Variants in DRC7 observed in about 807,000 individuals in gnomAD.
DRC7 encodes dynein regulatory complex subunit 7, also known as coiled-coil domain containing 135.
DRC7 carries 80 observed loss-of-function variants against 104.4 expected under a neutral mutation model. The observed-to-expected ratio is 0.77, with a 90% CI of 0.64 to 0.92. DRC7 has a LOEUF of 0.92. DRC7 is among the 40% of genes least tolerant of loss of function. The pLI is 0.00. For missense variants in DRC7, 1,034 were observed against 1,141.1 expected (o/e 0.91, Z 1.35); for synonymous variants, 405 against 447.3 (o/e 0.91, Z 1.19).
At position 57,724,661 on chromosome 16, in the gene DRC7, G is replaced by A; in HGVS notation, c.1584G>A (p.Glu528=). 6.2e-7 allele frequency: 1 copy of A among 1,613,962 alleles called. No individual in the cohort carries two copies. The highest frequency in any genetic ancestry group is 1.1e-5 in the South Asian group (1 of 91,080). The change falls in exon 13 of 19, where the codon GAG becomes GAA. Residue 528 remains glutamate, a synonymous_variant. Transcript: ENST00000360716. ...SMQPEMDRVI[E]FYETARVDGL... ...AACCTGAGATGGACCGTGTCATTGA[G>A]TTTTATGAAACGGCCCGTGTGGATG...
chr16:57,722,104 G>T lies in DRC7; in HGVS notation c.1279+365G>T, dbSNP rs150710906. Among the ~76,000 whole-genome samples the T allele has an allele frequency of 4.9e-3, 750 of 152,348 alleles. 7 individuals are homozygous for T. The highest frequency in any genetic ancestry group is 0.017 in the African/African-American group (721 of 41,582). On this transcript the variant is annotated intron_variant, in intron 10 of 18. Transcript: ENST00000360716. ...GATGGTGCGGGGGGTCTCAGGACCG[G>T]AGAGGGGCAGGTAGAGAAGGCAGGA... is the stretch of plus-strand genomic sequence containing the variant.
At position 57,722,851 on chromosome 16, in the gene DRC7, A is replaced by G. The variant is rs781762079; in HGVS notation, c.1408+10A>G. The G allele has an allele frequency of 1.1e-5, 17 of 1,613,424 alleles. No individual in the cohort carries two copies. Among genetic ancestry groups the G allele is most frequent in the Non-Finnish European group, 1.4e-5 (17 of 1,179,988 alleles). On this transcript the variant is annotated intron_variant, in intron 11 of 18. Coordinates refer to ENST00000360716, the MANE Select transcript of DRC7 (RefSeq NM_001289162.2). The stretch of plus-strand genomic sequence containing the variant: ...TATGAGGACTTGCAGTGTAAGGGGG[A>G]TTGCTCTGGACATGGGTCCAGGCCA...
chr16:57,704,265 AT>A lies in DRC7; in HGVS notation c.700-609del, dbSNP rs560817063. On this transcript the variant is annotated intron_variant, in intron 6 of 18. Transcript: ENST00000360716. ...ACTCAGGGAACTTGAAACGCTGGAG[AT>A]TCACTATTTCTCCTTCATGACTATC... is the stretch of plus-strand genomic sequence containing the variant. Among the ~76,000 whole-genome samples the A allele has an allele frequency of 2.6e-5, 4 of 152,072 alleles. No individual in the cohort carries two copies. The East Asian group carries it at 7.7e-4, about 29-fold the overall frequency.
At chr16:57,698,728 C>A (rs2048624391) in intron 3 of DRC7, 122 bp from the exon 4 acceptor site, 2 of 891,104 alleles carry the variant, frequency 2.2e-6, no homozygotes, top group Non-Finnish European at 1.8e-6. Context: ...TTAATGATAC[C>A]TGCCTTCTCA....
In DRC7 at chr16:57,706,764, C is replaced by A. The variant is rs1415347712; in HGVS notation, c.859-696C>A. On this transcript the variant is annotated intron_variant, in intron 7 of 18. Transcript: ENST00000360716. ...ACCCTCCTACCCACTGTTCTCCCAT[C>A]CATCCATTGTCTCACTCATCCTCCC... Among the ~76,000 whole-genome samples the A allele has an allele frequency of 3.4e-5, 5 of 145,652 alleles. 1 individual carries two copies. The highest frequency in any genetic ancestry group is 7.6e-5 in the Non-Finnish European group (5 of 65,914).
chr16:57,702,003 C>G lies in DRC7; in HGVS notation c.572C>G (p.Thr191Arg). The change falls in exon 6 of 19, where the codon ACG (threonine) becomes AGG (arginine). Residue 191 changes from threonine (T) to arginine (R), a missense_variant. Coordinates refer to ENST00000360716, the MANE Select transcript of DRC7 (RefSeq NM_001289162.2). ...AAGGGGAACTGCTTTGACTTCAGTA[C>G]GCTGCTCTGCTCCATGCTTATCGGC... ...YQKGNCFDFS[T>R]LLCSMLIGSG... The G allele has an allele frequency of 6.2e-7, 1 of 1,614,224 alleles. No homozygotes were observed. The highest frequency in any genetic ancestry group is 8.5e-7 in the Non-Finnish European group (1 of 1,180,032).
intron 8 of DRC7, among the ~76,000 whole-genome samples, chr16:57,708,020 G>A (rs2048751896): frequency 6.6e-6 from 1 of 152,144 alleles, no homozygotes; most frequent in South Asian, 2.1e-4. Flanking sequence ...ACACACCTTG[G>A]TTTCCTACAC....
chr16:57,711,907 C>G (rs4538002), intron 8 of DRC7, among the ~76,000 whole-genome samples: 9,197 of 152,220 alleles, frequency 0.06, 575 homozygotes, highest in East Asian at 0.23. Flanking sequence ...GTGGTGCCAT[C>G]TGATCCATCA....
chr16:57,725,714 T>C (rs1386770830), intron 13 of DRC7: 1 of 240,860 alleles, frequency 4.2e-6, no homozygotes, highest in Admixed American at 5.0e-5. Context: ...TACAAATTAG[T>C]TGGCAACTGT....
rs372375509 is a variant in DRC7 at position 57,722,824 on chromosome 16, C to T, written c.1391C>T (p.Thr464Ile). The change falls in exon 11 of 19, where the codon ACC becomes ATC. Residue 464 changes from threonine to isoleucine, a missense_variant. Thr to Ile is a moderately conservative substitution (Grantham distance 89, BLOSUM62 -1). Transcript: ENST00000360716. ...AATGGCCTTGTGAGCCGCCTCACCA[C>T]CTATGAGGACTTGCAGTGTAAGGGG... ...NSNGLVSRLT[T>I]YEDLQCTNIL... The T allele has an allele frequency of 9.8e-5, 158 of 1,613,686 alleles. No individual in the cohort carries two copies. The highest frequency in any genetic ancestry group is 1.7e-4 in the Admixed American group (10 of 60,002).
At chr16:57,697,153 TC>T (rs2048601805) in intron 2 of DRC7, among the ~76,000 whole-genome samples, 1 of 152,054 alleles carries the variant, frequency 6.6e-6, no homozygotes, top group African/African-American at 2.4e-5. Flanking sequence ...CCTCAAGTGA[TC>T]CACCTGCCTC....
At chr16:57,722,260 G>A (rs12923572) in intron 10 of DRC7, among the ~76,000 whole-genome samples, 36,040 of 152,122 alleles carry the variant, frequency 0.24, 4,461 homozygotes, top group South Asian at 0.25. Context: ...GGAACCCAGA[G>A]GGGGGCGCAC....
chr16:57,729,938 A>ATGGG (rs1219108612), intron 17 of DRC7, among the ~76,000 whole-genome samples: 1 of 47,232 alleles, frequency 2.1e-5, no homozygotes, highest in African/African-American at 7.9e-5. Context: ...GGGTGGGTGG[A>ATGGG]TGGGTGGGTG....
At chr16:57,699,461 C>A (rs1323048462) in intron 4 of DRC7, among the ~76,000 whole-genome samples, 3 of 152,166 alleles carry the variant, frequency 2.0e-5, no homozygotes, top group African/African-American at 7.2e-5. Flanking sequence ...CTGGATGAAT[C>A]CCATGTCATT....
At chr16:57,699,993 A>G in intron 4 of DRC7, 152 bp from the exon 5 acceptor site, 1 of 842,020 alleles carries the variant, frequency 1.2e-6, no homozygotes, top group Non-Finnish European at 1.8e-6. Flanking sequence ...TTCCCAGCCA[A>G]GGGCTGCTCT....
intron 10 of DRC7, 140 bp downstream of exon 10, chr16:57,721,879 C>G (rs1352709500): frequency 8.7e-6 from 5 of 575,656 alleles, no homozygotes; most frequent in Non-Finnish European, 1.2e-5. Context: ...TCAGCTGCAC[C>G]CTCCCTCCCT....
At chr16:57,715,961 C>G (rs1249956465) in intron 8 of DRC7, among the ~76,000 whole-genome samples, 1 of 152,202 alleles carries the variant, frequency 6.6e-6, no homozygotes, top group Non-Finnish European at 1.5e-5. Context: ...CTTTTACCAG[C>G]ACACGAACAT....
chr16:57,711,843 A>T (rs907600223), intron 8 of DRC7, among the ~76,000 whole-genome samples: 4 of 152,146 alleles, frequency 2.6e-5, no homozygotes, highest in African/African-American at 7.2e-5. Context: ...TTCTTGCACC[A>T]AGTCGGTTCC....
chr16:57,703,200 C>CAAAAA (rs71152293), intron 6 of DRC7, among the ~76,000 whole-genome samples: 1 of 62,922 alleles, frequency 1.6e-5, no homozygotes, highest in Non-Finnish European at 3.2e-5. Flanking sequence ...TTTTTAATAG[C>CAAAAA]AAAAAAAAAA....
Sources: allele counts gnomAD v4.1 joint callset (sites outside exome capture counted in the v4.1 genomes callset), GRCh38; gene constraint gnomAD v4.1.1; transcripts MANE v1.5; gene names NCBI Gene and HGNC (gene_info 2026-07-23, HGNC 2026-07-21).